Variants in ATXN1 observed in about 807,000 individuals in gnomAD.
The protein encoded by ATXN1 is ataxin-1.
In ATXN1, 8 loss-of-function variants were observed where a neutral mutation model predicts 56.4. The ratio of observed to expected loss-of-function variants is 0.14; its 90% CI spans 0.08 to 0.26. The LOEUF (loss-of-function observed/expected upper bound fraction) is 0.26, where lower values mean the gene tolerates loss of function less well. Among genes scored for constraint, ATXN1 ranks in the 10% least tolerant of loss-of-function variants. ATXN1 has a pLI of 1.00. For missense variants in ATXN1, 987 were observed against 1,106.5 expected (o/e 0.89, Z 1.53); for synonymous variants, 514 against 494.6 (o/e 1.04, Z -0.52).
intron 3 of ATXN1, among the ~76,000 whole-genome samples, chr6:16,632,984 C>T (rs186427823): frequency 8.4e-6 from 1 of 118,550 alleles, no homozygotes; most frequent in Non-Finnish European, 1.7e-5. Flanking sequence ...GCAACAAGAG[C>T]AAAACTCCGC....
chr6:16,671,265 G>T (rs1233179186), intron 2 of ATXN1, among the ~76,000 whole-genome samples: 1 of 151,238 alleles, frequency 6.6e-6, no homozygotes, highest in African/African-American at 2.4e-5. Flanking sequence ...TTACATTCCA[G>T]CAGGGAGGAA....
Position 16,326,669 on chromosome 6 carries a change from C to A in ATXN1, c.1642G>T (p.Val548Leu), listed in dbSNP as rs1274227627. 8 of 1,613,442 alleles carry A rather than the reference C, an allele frequency of 5.0e-6. No individual in the cohort carries two copies. Among genetic ancestry groups the A allele is most frequent in the Non-Finnish European group, 6.8e-6 (8 of 1,180,038 alleles). Reference protein sequence around the residue: ...LVTQAAYPAMVQAQIHLPVVQ... With the variant: ...LVTQAAYPAMLQAQIHLPVVQ... The stretch of plus-strand genomic sequence containing the variant: ...ACAGGCAGGTGGATCTGGGCCTGCA[C>A]CATGGCTGGGTAGGCGGCCTGGGTG... The change falls in exon 7 of 8, where the codon GTG (valine) becomes TTG (leucine). Residue 548 changes from valine to leucine, a missense_variant. Transcript: ENST00000436367. The surrounding 1 kb of genome is among the most constrained non-coding windows in gnomAD (Gnocchi z 6.6).
chr6:16,692,737 T>G (rs147165912), intron 2 of ATXN1, among the ~76,000 whole-genome samples: 1 of 152,202 alleles, frequency 6.6e-6, no homozygotes, highest in South Asian at 2.1e-4. Flanking sequence ...CTGTATTCCA[T>G]TGTGTTCTTA....
At chr6:16,374,448 T>C (rs540269469) in intron 6 of ATXN1, among the ~76,000 whole-genome samples, 2 of 152,336 alleles carry the variant, frequency 1.3e-5, no homozygotes, top group East Asian at 3.9e-4. Flanking sequence ...AAATGCCGTA[T>C]ATAACAAGTT....
intron 6 of ATXN1, among the ~76,000 whole-genome samples, chr6:16,363,981 G>A (rs191229744): frequency 2.0e-5 from 3 of 152,286 alleles, no homozygotes; most frequent in South Asian, 2.1e-4. Flanking sequence ...TCCATGTTCC[G>A]CTGGCTCTAG....
intron 6 of ATXN1, among the ~76,000 whole-genome samples, chr6:16,413,004 G>T (rs1192018999): frequency 6.6e-6 from 1 of 152,180 alleles, no homozygotes; most frequent in Non-Finnish European, 1.5e-5. Flanking sequence ...TAGTGTTAGG[G>T]TGATGAGGTC....
chr6:16,519,176 G>A (rs1761240639), intron 5 of ATXN1, among the ~76,000 whole-genome samples: 1 of 152,108 alleles, frequency 6.6e-6, no homozygotes, highest in Non-Finnish European at 1.5e-5. Flanking sequence ...GAAGATACAT[G>A]TTTCGTATCC....
Position 16,301,614 on chromosome 6 carries a change from T to TGA in ATXN1, c.*4714_*4715insTC, listed in dbSNP as rs1399078392. On this transcript the variant is annotated 3_prime_UTR_variant, in exon 8 of 8. Transcript: ENST00000436367. ...CACTTAAAAAAAAAAAAAGTGTAAT[T>TGA]CTCTCCTTTCACATCACCACCGAAG... 1 of 152,324 alleles carries TGA rather than the reference T, an allele frequency of 6.6e-6. No individual in the cohort carries two copies. The highest frequency in any genetic ancestry group is 1.9e-4 in the East Asian group (1 of 5,198). 9.4% of individuals were successfully genotyped at this position (152,324 alleles called of 1,614,324 possible).
At chr6:16,624,456 A>T (rs1266661036) in intron 3 of ATXN1, among the ~76,000 whole-genome samples, 1 of 152,066 alleles carries the variant, frequency 6.6e-6, no homozygotes, top group Non-Finnish European at 1.5e-5. Flanking sequence ...GATGGTGAAG[A>T]CGGTCAATTT....
intron 2 of ATXN1, among the ~76,000 whole-genome samples, chr6:16,679,313 T>C (rs1362368133): frequency 1.4e-5 from 2 of 146,294 alleles, no homozygotes; most frequent in Non-Finnish European, 3.0e-5. Flanking sequence ...GATGGATGGA[T>C]GGATATATGG....
chr6:16,712,440 C>T (rs1581386660), intron 2 of ATXN1, among the ~76,000 whole-genome samples: 1 of 151,998 alleles, frequency 6.6e-6, no homozygotes, highest in Non-Finnish European at 1.5e-5. Flanking sequence ...TGGTCTGCTA[C>T]AGTGAGAAGA....
intron 6 of ATXN1, among the ~76,000 whole-genome samples, chr6:16,354,194 G>C (rs774528590): frequency 6.6e-6 from 1 of 152,098 alleles, no homozygotes; most frequent in Admixed American, 6.5e-5. Flanking sequence ...ACATATTCAT[G>C]TATGTACCTC....
chr6:16,596,441 T>A (rs1360385122), intron 3 of ATXN1, among the ~76,000 whole-genome samples: 1 of 152,160 alleles, frequency 6.6e-6, no homozygotes, highest in Non-Finnish European at 1.5e-5. Context: ...AACATTAAAA[T>A]CATCACATTT....
At chr6:16,357,363 G>A (rs559306817) in intron 6 of ATXN1, among the ~76,000 whole-genome samples, 195 of 151,704 alleles carry the variant, frequency 1.3e-3, no homozygotes, top group African/African-American at 4.6e-3. Context: ...TCTGCCTCCC[G>A]GGTTCAAGCG....
chr6:16,473,996 T>G (rs1760273898), intron 6 of ATXN1, among the ~76,000 whole-genome samples: 1 of 152,210 alleles, frequency 6.6e-6, no homozygotes, highest in Admixed American at 6.5e-5. Context: ...TTAAACTCTT[T>G]CAATGACCAC....
intron 5 of ATXN1, among the ~76,000 whole-genome samples, chr6:16,508,004 A>G (rs1761011878): frequency 1.3e-5 from 2 of 152,242 alleles, no homozygotes; most frequent in African/African-American, 4.8e-5. Flanking sequence ...TGTGACAATA[A>G]TGGTCCCCAA....
At chr6:16,478,347 C>T (rs1189753212) in intron 6 of ATXN1, among the ~76,000 whole-genome samples, 1 of 152,150 alleles carries the variant, frequency 6.6e-6, no homozygotes, top group Non-Finnish European at 1.5e-5. Flanking sequence ...ACATTTGCAC[C>T]TTTAATTTGT....
At chr6:16,460,790 A>G (rs1759977172) in intron 6 of ATXN1, among the ~76,000 whole-genome samples, 1 of 152,232 alleles carries the variant, frequency 6.6e-6, no homozygotes, top group African/African-American at 2.4e-5. Context: ...TGCCATAGTT[A>G]GTGATGTAAC....
Position 16,305,358 on chromosome 6 carries a change from A to G in ATXN1, c.*971T>C, listed in dbSNP as rs1425038018. 1 of 152,582 alleles carries G rather than the reference A, an allele frequency of 6.6e-6. No individual in the cohort carries two copies. Among genetic ancestry groups the G allele is most frequent in the Non-Finnish European group, 1.5e-5 (1 of 68,036 alleles). 9.5% of individuals were successfully genotyped at this position (152,582 alleles called of 1,614,324 possible). A position where few individuals can be genotyped will look rare whatever the true frequency, so the allele number is the denominator to read the frequency against. Reference sequence around the variant, plus strand: ...AGTTCAAAGACAAAAAGATTTCGCAAACTCAACGTGAAGAGCTTCTGTTGC... The same window carrying G: ...AGTTCAAAGACAAAAAGATTTCGCAGACTCAACGTGAAGAGCTTCTGTTGC... On this transcript the variant is annotated 3_prime_UTR_variant, in exon 8 of 8. Transcript: ENST00000436367.
Sources: allele counts gnomAD v4.1 joint callset (sites outside exome capture counted in the v4.1 genomes callset), GRCh38; gene constraint gnomAD v4.1.1; non-coding constraint Gnocchi (gnomAD v3.1); transcripts MANE v1.5; gene names NCBI Gene and HGNC (gene_info 2026-07-23, HGNC 2026-07-21).